Variants in ADGRL1 observed in about 807,000 individuals in gnomAD.
ADGRL1 encodes the protein adhesion G protein-coupled receptor L1.
A neutral mutation model predicts 148.9 loss-of-function variants in ADGRL1; 31 were observed. The observed-to-expected ratio is 0.21, with a 90% CI of 0.16 to 0.28. ADGRL1 has a LOEUF of 0.28. Among genes scored for constraint, ADGRL1 ranks in the 10% least tolerant of loss-of-function variants. The probability of loss-of-function intolerance (pLI) is 1.00; values close to 1 mark genes in which losing one functional copy is unlikely to be tolerated. For missense variants in ADGRL1, 1,521 were observed against 2,058.8 expected, an observed-to-expected ratio of 0.74 and a Z score of 5.05; for synonymous variants, 937 against 900.3, an observed-to-expected ratio of 1.04 and a Z score of -0.73.
Position 14,159,034 on chromosome 19 carries a change from C to T in ADGRL1, c.2149+56G>A. 1 of 1,478,054 alleles carries T rather than the reference C, an allele frequency of 6.8e-7. No individual in the cohort carries two copies. Among genetic ancestry groups the T allele is most frequent in the Non-Finnish European group, 9.4e-7 (1 of 1,067,172 alleles). 91.6% of individuals were successfully genotyped at this position (1,478,054 alleles called of 1,614,324 possible). The stretch of plus-strand genomic sequence containing the variant: ...ATGGCACAGAGACGCTGGCACAGAG[C>T]TGGGGGGTGGGGGTGGGGCTGCTTC... On this transcript the variant is annotated intron_variant, in intron 11 of 22. Coordinates refer to ENST00000361434, the MANE Select transcript of ADGRL1 (RefSeq NM_014921.5). The surrounding 1 kb of genome is among the most constrained non-coding windows in gnomAD (Gnocchi z 6.0).
At chr19:14,183,218 C>CGAGAGAGAGA (rs1262220395) in intron 2 of ADGRL1, among the ~76,000 whole-genome samples, 1 of 124,868 alleles carries the variant, frequency 8.0e-6, no homozygotes, top group South Asian at 2.5e-4. Context: ...AGAGAGAGAG[C>CGAGAGAGAGA]GAGAGAGAGA....
At chr19:14,191,936 G>A (rs569186839) in intron 1 of ADGRL1, among the ~76,000 whole-genome samples, 2 of 152,164 alleles carry the variant, frequency 1.3e-5, no homozygotes, top group Admixed American at 6.5e-5. Flanking sequence ...GGCCTCAAGC[G>A]ATCTTCCTGC....
At chr19:14,183,725 G>A (rs967124597) in intron 1 of ADGRL1, 28 bp from the exon 2 acceptor site, 3 of 853,408 alleles carry the variant, frequency 3.5e-6, no homozygotes, top group Admixed American at 2.6e-5. Flanking sequence ...GACTGAGGTG[G>A]GGATAGGGCC....
rs1967923121 is a variant in ADGRL1, at chr19:14,149,355, C to T, written c.*1518G>A. On this transcript the variant is annotated 3_prime_UTR_variant, in exon 23 of 23. Coordinates refer to ENST00000361434, the MANE Select transcript of ADGRL1 (RefSeq NM_014921.5). ...CTCACCTTTGCCCCTCCCCATCCCC[C>T]AGACCGCCTTGCCGTTCCCAGCACC... 6.6e-6 allele frequency: 1 copy of T among 152,664 alleles called. No individual in the cohort carries two copies. Among genetic ancestry groups the T allele is most frequent in the African/African-American group, 2.4e-5 (1 of 41,456 alleles). 9.5% of individuals were successfully genotyped at this position (152,664 alleles called of 1,614,324 possible). A position where few individuals can be genotyped will look rare whatever the true frequency, so the allele number is the denominator to read the frequency against.
rs145535857 is a variant in ADGRL1 at position 14,157,889 on chromosome 19, C to T, written c.2528G>A (p.Arg843His). ...GAGCACCAGCCAGCTTACGATCTCA[C>T]GGTGAGCCATGAGCACAGCGAAGTT... ...LTNFAVLMAH[R>H]EIYQGRINEL... Residue 843 changes from arginine to histidine, a missense_variant, in exon 13 of 23, where the codon CGT becomes CAT. Coordinates refer to ENST00000361434, the MANE Select transcript of ADGRL1 (RefSeq NM_014921.5). This position sits in a 1 kb window ranked among gnomAD's most constrained non-coding sequence, Gnocchi z 7.5. 2.7e-5 allele frequency: 43 copies of T among 1,613,776 alleles called. No homozygotes were observed. Among genetic ancestry groups the T allele is most frequent in the Non-Finnish European group, 3.4e-5 (40 of 1,179,930 alleles).
chr19:14,199,073 G>A (rs998866254), intron 1 of ADGRL1, among the ~76,000 whole-genome samples: 1 of 152,218 alleles, frequency 6.6e-6, no homozygotes. Context: ...CCAGGAGACA[G>A]GGGCATGGTG....
At chr19:14,179,276 T>C (rs936948338) in intron 2 of ADGRL1, among the ~76,000 whole-genome samples, 1 of 151,172 alleles carries the variant, frequency 6.6e-6, no homozygotes, top group Non-Finnish European at 1.5e-5. Flanking sequence ...GGGCAGATCA[T>C]GAGGTGAGGT....
Position 14,151,189 on chromosome 19 carries a change from G to A in ADGRL1, c.4094C>T (p.Ala1365Val), listed in dbSNP as rs1235788440. The A allele has an allele frequency of 1.2e-6, 2 of 1,610,676 alleles. No individual in the cohort carries two copies. The highest frequency in any genetic ancestry group is 1.7e-6 in the Non-Finnish European group (2 of 1,179,328). ...AGGGGAGGAGAGGGGCCGGCTGGTGGCGCCGTCCTCGGCCGTGCAGCTCTC... is the reference window on the plus strand; with the variant it reads ...AGGGGAGGAGAGGGGCCGGCTGGTGACGCCGTCCTCGGCCGTGCAGCTCTC... ...ESESCTAEDG[A>V]TSRPLSSPPG... Residue 1365 changes from alanine to valine, a missense_variant, in exon 23 of 23, where the codon GCC becomes GTC. Ala to Val is a moderately conservative substitution (Grantham distance 64). Around this residue, in one of 8 missense-constraint regions of ADGRL1, gnomAD observed 390 missense variants for 375.0 expected, o/e 1.04. Coordinates refer to ENST00000361434, the MANE Select transcript of ADGRL1 (RefSeq NM_014921.5).
chr19:14,201,339 AT>A (rs1972600928), intron 1 of ADGRL1, among the ~76,000 whole-genome samples: 1 of 94,928 alleles, frequency 1.1e-5, no homozygotes, highest in Admixed American at 1.0e-4. Flanking sequence ...GGGCAAGGTT[AT>A]TTTTGGCCTG....
At chr19:14,165,315 C>G (rs1020546378) in intron 4 of ADGRL1, among the ~76,000 whole-genome samples, 25 of 152,346 alleles carry the variant, frequency 1.6e-4, no homozygotes, top group Non-Finnish European at 2.2e-4. Flanking sequence ...CCTGCCCACT[C>G]TGTCCAGCAC....
chr19:14,197,104 C>A (rs1411453595), intron 1 of ADGRL1, among the ~76,000 whole-genome samples: 5 of 152,038 alleles, frequency 3.3e-5, no homozygotes, highest in Admixed American at 3.3e-4. Flanking sequence ...GAGATCCTGT[C>A]TCTACAAAAA....
intron 1 of ADGRL1, among the ~76,000 whole-genome samples, chr19:14,202,557 G>T (rs529891823): frequency 1.3e-5 from 2 of 152,238 alleles, no homozygotes; most frequent in Non-Finnish European, 2.9e-5. Flanking sequence ...CCAGCTGATA[G>T]GAGAGCTTTG....
intron 1 of ADGRL1, among the ~76,000 whole-genome samples, chr19:14,184,646 A>ATTTTTT (rs368698858): frequency 2.0e-5 from 2 of 97,732 alleles, no homozygotes; most frequent in South Asian, 3.5e-4. Flanking sequence ...TTATTTATTT[A>ATTTTTT]TTTTTTTTTC....
Position 14,155,626 on chromosome 19 carries a change from C to T in ADGRL1, c.3126-99G>A. On this transcript the variant is annotated intron_variant, in intron 17 of 22. Coordinates refer to ENST00000361434, the MANE Select transcript of ADGRL1 (RefSeq NM_014921.5). The surrounding 1 kb of genome is among the most constrained non-coding windows in gnomAD (Gnocchi z 5.0). ...CTACAACGGGGGCCCTTGGGTGGGC[C>T]TGGGCACTGTCTGCAAAGCCCTGAG... 1 of 1,284,166 alleles carries T rather than the reference C, an allele frequency of 7.8e-7. No homozygotes were observed. The highest frequency in any genetic ancestry group is 1.1e-6 in the Non-Finnish European group (1 of 922,418). The allele number at this position is 1,284,166 out of a possible 1,614,324, so 79.5% of individuals were successfully genotyped here.
rs147867929 is a variant in ADGRL1, at chr19:14,167,564, C to A, written c.394+3118G>T. On this transcript the variant is annotated intron_variant, in intron 4 of 22. Transcript: ENST00000361434. ...CAGTGTCTCCCAGGGCCTGGGCCCA[C>A]CCTCAGCCAAGAAACAGGCTGAACT... 1.2e-3 allele frequency among the ~76,000 whole-genome samples: 178 copies of A among 152,236 alleles called. 1 individual carries two copies. The highest frequency in any genetic ancestry group is 4.0e-3 in the African/African-American group (168 of 41,526).
Position 14,158,530 on chromosome 19 carries a change from G to A in ADGRL1, c.2172C>T (p.Ile724=), listed in dbSNP as rs754197963. The part of the protein sequence containing the change: ...SRNGVVKVVF[I]LYNNLGLFLS... ...GGAAGAGGCCCAGGTTGTTGTAGAG[G>A]ATGAAGACAACTTTGACCACCCCTG... is the stretch of plus-strand genomic sequence containing the variant. Residue 724 remains isoleucine (I), a synonymous_variant, in exon 12 of 23, where the codon ATC becomes ATT. Transcript: ENST00000361434. 8.1e-6 allele frequency: 13 copies of A among 1,613,872 alleles called. No homozygotes were observed. In the African/African-American group the frequency reaches 1.1e-4, roughly 13 times the overall value.
At position 14,151,367 on chromosome 19, in the gene ADGRL1, G is replaced by A; in HGVS notation, c.3916C>T (p.Pro1306Ser). ...TCGCCCCCGCCCCCTGGCACAGGTG[G>A]CACAGGGGGCTCAGGCGGTGGAGGG... ...KGPPPPEPPV[P>S]PVPGGGGEEE... Residue 1306 changes from proline (P) to serine (S), a missense_variant, in exon 23 of 23, where the codon CCA (proline) becomes TCA (serine). Pro to Ser is a moderately conservative substitution (Grantham distance 74). Around this residue, in one of 8 missense-constraint regions of ADGRL1, gnomAD observed 390 missense variants for 375.0 expected, o/e 1.04. Transcript: ENST00000361434. The A allele has an allele frequency of 1.2e-6, 2 of 1,601,308 alleles. No individual in the cohort carries two copies. Among genetic ancestry groups the A allele is most frequent in the Non-Finnish European group, 1.7e-6 (2 of 1,174,738 alleles).
At position 14,151,055 on chromosome 19, in the gene ADGRL1, C is replaced by A; in HGVS notation, c.4228G>T (p.Ala1410Ser). Residue 1410 changes from alanine (A) to serine (S), a missense_variant, in exon 23 of 23, where the codon GCA (alanine) becomes TCA (serine). Physicochemically the swap from Ala to Ser is moderately conservative, Grantham distance 99. Around this residue, in one of 8 missense-constraint regions of ADGRL1, gnomAD observed 390 missense variants for 375.0 expected, o/e 1.04. Transcript: ENST00000361434. ...PSEALPPPPP[A>S]PPGPPEIYYT... Reference sequence around the variant, plus strand: ...TAGATTTCGGGGGGGCCGGGGGGTGCGGGAGGGGGTGGGGGCAGGGCCTCA... The same window carrying A: ...TAGATTTCGGGGGGGCCGGGGGGTGAGGGAGGGGGTGGGGGCAGGGCCTCA... The A allele has an allele frequency of 8.1e-6, 2 of 246,282 alleles. No individual in the cohort carries two copies. Among genetic ancestry groups the A allele is most frequent in the Non-Finnish European group, 1.0e-5 (2 of 197,794 alleles). 15.3% of individuals were successfully genotyped at this position (246,282 alleles called of 1,614,324 possible).
At chr19:14,185,290 C>A (rs1027890501) in intron 1 of ADGRL1, among the ~76,000 whole-genome samples, 9 of 151,948 alleles carry the variant, frequency 5.9e-5, no homozygotes, top group Non-Finnish European at 1.3e-4. Flanking sequence ...CACACATTCT[C>A]TCTCTCTCTT....
Sources: allele counts gnomAD v4.1 joint callset (sites outside exome capture counted in the v4.1 genomes callset), GRCh38; gene constraint gnomAD v4.1.1; regional missense constraint gnomAD v4.1.1; non-coding constraint Gnocchi (gnomAD v3.1); transcripts MANE v1.5; gene names NCBI Gene and HGNC (gene_info 2026-07-23, HGNC 2026-07-21).